Variants in SYNE1 observed in about 807,000 individuals in gnomAD.
The protein encoded by SYNE1 is nesprin-1.
Under a neutral mutation model 1,111.0 loss-of-function variants are expected in SYNE1, and 616 were observed. That is an observed-to-expected ratio of 0.55 (90% CI 0.52 to 0.59). SYNE1 has a LOEUF of 0.59. Ranked by LOEUF, SYNE1 falls within the 20% of genes least tolerant of loss-of-function variation. The pLI, the probability that SYNE1 is intolerant of heterozygous loss-of-function variation, is 0.00. For synonymous variants in SYNE1, 3,855 were observed against 3,825.8 expected (o/e 1.01, Z -0.28); for missense variants, 10,006 against 10,417.0 (o/e 0.96, Z 1.72).
intron 130 of SYNE1, among the ~76,000 whole-genome samples, chr6:152,165,930 C>T (rs1233712092): frequency 6.6e-6 from 1 of 152,180 alleles, no homozygotes; most frequent in Non-Finnish European, 1.5e-5. Flanking sequence ...GTGCCCCAGA[C>T]TGAAAGAAGA....
chr6:152,580,012 T>C (rs1425864985), intron 3 of SYNE1, among the ~76,000 whole-genome samples: 1 of 152,178 alleles, frequency 6.6e-6, no homozygotes, highest in Non-Finnish European at 1.5e-5. Context: ...CAATTTATAT[T>C]CATTTGGGTA....
chr6:152,601,664 C>T (rs1389143103), intron 3 of SYNE1, among the ~76,000 whole-genome samples: 1 of 152,116 alleles, frequency 6.6e-6, no homozygotes, highest in Non-Finnish European at 1.5e-5. Context: ...CACGACAAAC[C>T]ATCATTGAAA....
At chr6:152,472,063 C>G in intron 15 of SYNE1, 1 of 597,528 alleles carries the variant, frequency 1.7e-6, no homozygotes, top group South Asian at 2.1e-5. Flanking sequence ...AAAAATACAG[C>G]CTCTGAAGAA....
intron 3 of SYNE1, among the ~76,000 whole-genome samples, chr6:152,620,228 G>C (rs2099672360): frequency 6.6e-6 from 1 of 151,960 alleles, no homozygotes; most frequent in African/African-American, 2.4e-5. Context: ...TACCACACAG[G>C]CTGCAGCTTC....
chr6:152,249,033 A>G, intron 105 of SYNE1, 128 bp downstream of exon 105: 1 of 725,458 alleles, frequency 1.4e-6, no homozygotes, highest in South Asian at 1.5e-5. Context: ...CCAGTACTCA[A>G]AAACAAAAAT....
At chr6:152,619,696 G>T (rs1258563417) in intron 3 of SYNE1, among the ~76,000 whole-genome samples, 1 of 152,078 alleles carries the variant, frequency 6.6e-6, no homozygotes, top group African/African-American at 2.4e-5. Flanking sequence ...TAAGGGGAGG[G>T]TTGCCCAAGG....
chr6:152,510,569 C>G (rs1439794084), intron 7 of SYNE1, among the ~76,000 whole-genome samples, 198 bp from the exon 8 acceptor site: 1 of 152,116 alleles, frequency 6.6e-6, no homozygotes, highest in African/African-American at 2.4e-5. Context: ...ATCTTACATA[C>G]AATAATCCAT....
intron 54 of SYNE1, among the ~76,000 whole-genome samples, chr6:152,386,095 C>G (rs2097523171): frequency 6.6e-6 from 1 of 152,148 alleles, no homozygotes; most frequent in East Asian, 1.9e-4. Context: ...TTCATGTTGG[C>G]TAACATCCCT....
Position 152,483,263 on chromosome 6 carries a change from A to T in SYNE1, c.1186-14T>A, listed in dbSNP as rs1388629828. ...CCAGTCAAAGAGCTAAAATTTAAAA[A>T]GCAGAAAAGTAAAATATCTTTAATA... On this transcript the variant is annotated splice_polypyrimidine_tract_variant and intron_variant, in intron 13 of 145. Coordinates refer to ENST00000367255, the MANE Select transcript of SYNE1 (RefSeq NM_182961.4). 1 of 1,613,084 alleles carries T rather than the reference A, an allele frequency of 6.2e-7. No homozygotes were observed. Among genetic ancestry groups the T allele is most frequent in the Admixed American group, 1.7e-5 (1 of 59,986 alleles).
intron 3 of SYNE1, among the ~76,000 whole-genome samples, chr6:152,570,798 T>G (rs1186345221): frequency 6.6e-6 from 1 of 152,134 alleles, no homozygotes; most frequent in Non-Finnish European, 1.5e-5. Flanking sequence ...TGGTAAGAAG[T>G]CTTTCTTTTG....
chr6:152,376,448 G>C lies in SYNE1; in HGVS notation c.9257C>G (p.Thr3086Ser). The C allele has an allele frequency of 6.2e-7, 1 of 1,614,224 alleles. No homozygotes were observed. The highest frequency in any genetic ancestry group is 1.1e-5 in the South Asian group (1 of 91,084). ...AGGTATATCAAAACACTTGGCGGTA[G>C]TGATTTTTGCATTAACCAACCACTG... Reference protein sequence around the residue: ...FQQWLVNAKITTAKCFDIPQN... With the variant: ...FQQWLVNAKISTAKCFDIPQN... Residue 3086 changes from threonine to serine, a missense_variant, in exon 58 of 146, where the codon ACT becomes AGT. By Grantham distance (58) the Thr-to-Ser change is moderately conservative (BLOSUM62 1). This residue lies in a region of SYNE1 where 4,955 missense variants were observed against 5,017.2 expected (regional missense o/e 0.99). Transcript: ENST00000367255.
In SYNE1 at chr6:152,122,258, A is replaced by G; in HGVS notation, c.*178T>C. 1 of 912,048 alleles carries G rather than the reference A, an allele frequency of 1.1e-6. No individual in the cohort carries two copies. The highest frequency in any genetic ancestry group is 1.7e-6 in the Non-Finnish European group (1 of 590,216). The allele number at this position is 912,048 out of a possible 1,614,324, so 56.5% of individuals were successfully genotyped here. ...CTTGTTGTCTGTTTGTTCCCCCGTCACTGTTTATCTTCCACCTCTGAAGCC... is the reference window on the plus strand; with the variant it reads ...CTTGTTGTCTGTTTGTTCCCCCGTCGCTGTTTATCTTCCACCTCTGAAGCC... On this transcript the variant is annotated 3_prime_UTR_variant, in exon 146 of 146. Transcript: ENST00000367255.
chr6:152,536,172 C>G (rs2695257), intron 4 of SYNE1, among the ~76,000 whole-genome samples: 7 of 150,502 alleles, frequency 4.7e-5, no homozygotes, highest in African/African-American at 1.7e-4. Context: ...CCTCCTCGGG[C>G]GCCTTGTTCC....
chr6:152,429,670 G>A (rs1426840328), intron 36 of SYNE1, among the ~76,000 whole-genome samples: 1 of 152,134 alleles, frequency 6.6e-6, no homozygotes, highest in Non-Finnish European at 1.5e-5. Context: ...CCTTGCAGAA[G>A]ATTCGCAATG....
At chr6:152,363,528 AATAAATAAATAAATAT>A (rs1307914101) in intron 63 of SYNE1, among the ~76,000 whole-genome samples, 1 of 65,326 alleles carries the variant, frequency 1.5e-5, no homozygotes, top group African/African-American at 5.4e-5. Context: ...TAAATAAATA[AATAAATAAATAAATAT>A]AAAAATAAAT....
intron 34 of SYNE1, 104 bp from the exon 35 acceptor site, chr6:152,430,813 T>G: frequency 8.8e-7 from 1 of 1,137,102 alleles, no homozygotes; most frequent in Non-Finnish European, 1.3e-6. Flanking sequence ...AACTGATATT[T>G]GAAGACTTGG....
intron 135 of SYNE1, 30 bp downstream of exon 135, chr6:152,151,523 A>G (rs199558112): frequency 1.7e-5 from 28 of 1,612,888 alleles, no homozygotes; most frequent in Non-Finnish European, 2.4e-5. Context: ...GGCTTTCTTC[A>G]CTTTGGTAAC....
chr6:152,413,141 G>A (rs566373553), intron 42 of SYNE1, among the ~76,000 whole-genome samples: 3 of 152,268 alleles, frequency 2.0e-5, no homozygotes, highest in East Asian at 1.9e-4. Flanking sequence ...ATGAGCCACC[G>A]TGCCTGGCCT....
intron 3 of SYNE1, among the ~76,000 whole-genome samples, chr6:152,577,619 C>T (rs1006227916): frequency 6.6e-6 from 1 of 151,862 alleles, no homozygotes; most frequent in South Asian, 2.1e-4. Context: ...GGGGACAGAG[C>T]GAGACTCCAT....
Sources: gnomAD v4.1 joint callset for allele counts (sites outside exome capture counted in the v4.1 genomes callset) on GRCh38, gnomAD v4.1.1 for gene constraint, gnomAD v4.1.1 regional missense constraint, MANE v1.5 for transcripts, NCBI Gene and HGNC (gene_info 2026-07-23, HGNC 2026-07-21) for gene names.